Variants in LINGO2 observed in about 807,000 individuals in gnomAD.
LINGO2 encodes the protein leucine-rich repeat and immunoglobulin-like domain-containing nogo receptor-interacting protein 2.
A neutral mutation model predicts 30.6 loss-of-function variants in LINGO2; 14 were observed. That is an observed-to-expected ratio of 0.46 (90% CI 0.30 to 0.72). LINGO2 has a LOEUF of 0.72. LINGO2 is among the 30% of genes least tolerant of loss of function. The pLI is 0.07. For missense variants in LINGO2, 729 were observed against 751.7 expected (o/e 0.97, Z 0.35); for synonymous variants, 317 against 288.5 (o/e 1.10, Z -1.00).
the LINGO2 span, among the ~76,000 whole-genome samples, chr9:29,204,582 C>G: frequency 2.0e-5 from 3 of 152,124 alleles, no homozygotes; most frequent in African/African-American, 4.8e-5. Context: ...CCATATTTTC[C>G]TTCTTAAAAA....
intron 2 of LINGO2, among the ~76,000 whole-genome samples, chr9:28,465,871 G>C (rs543169221): frequency 5.3e-5 from 8 of 152,032 alleles, no homozygotes; most frequent in Non-Finnish European, 1.2e-4. Context: ...ACTCAACATC[G>C]CTGATCATCA....
chr9:28,186,227 G>C (rs1347044739), intron 4 of LINGO2, among the ~76,000 whole-genome samples: 1 of 152,082 alleles, frequency 6.6e-6, no homozygotes, highest in East Asian at 1.9e-4. Flanking sequence ...ACACAAACTG[G>C]TATTTCTTTA....
chr9:28,451,017 G>A (rs1193018584), intron 2 of LINGO2, among the ~76,000 whole-genome samples: 1 of 151,676 alleles, frequency 6.6e-6, no homozygotes, highest in Non-Finnish European at 1.5e-5. Flanking sequence ...GTTTAAATTG[G>A]TAGAGTAGTT....
At chr9:28,815,267 T>C in the LINGO2 span, among the ~76,000 whole-genome samples, 2 of 152,230 alleles carry the variant, frequency 1.3e-5, no homozygotes, top group Non-Finnish European at 2.9e-5. Flanking sequence ...TAATTGCTCA[T>C]ATATTTTCTT....
At chr9:28,352,485 C>T (rs1819944483) in intron 3 of LINGO2, among the ~76,000 whole-genome samples, 1 of 88,282 alleles carries the variant, frequency 1.1e-5, no homozygotes, top group Non-Finnish European at 2.3e-5. Context: ...CAAACCACTG[C>T]TCAAGGAAAT....
At chr9:28,191,809 T>A (rs758929338) in intron 4 of LINGO2, among the ~76,000 whole-genome samples, 2 of 152,154 alleles carry the variant, frequency 1.3e-5, no homozygotes, top group African/African-American at 4.8e-5. Context: ...TTCAGTAAAA[T>A]GACAGTAACC....
intron 4 of LINGO2, among the ~76,000 whole-genome samples, chr9:28,026,080 C>T: frequency 6.6e-6 from 1 of 152,162 alleles, no homozygotes; most frequent in East Asian, 1.9e-4. Context: ...TCCTTTGCTT[C>T]TCTACAACTG....
the LINGO2 span, among the ~76,000 whole-genome samples, chr9:28,911,318 A>G: frequency 2.6e-5 from 3 of 115,076 alleles, no homozygotes; most frequent in African/African-American, 8.0e-5. Context: ...TTCTATAAAT[A>G]AAACTCATAT....
At chr9:28,414,216 A>T (rs16912922) in intron 2 of LINGO2, among the ~76,000 whole-genome samples, 10 of 152,136 alleles carry the variant, frequency 6.6e-5, no homozygotes, top group African/African-American at 2.4e-4. Flanking sequence ...GGGAGTCAGA[A>T]GGTCCCTGAA....
intron 4 of LINGO2, among the ~76,000 whole-genome samples, chr9:28,197,862 TA>T (rs145482154): frequency 0.084 from 12,607 of 150,240 alleles, 694 homozygotes; most frequent in East Asian, 0.2. Context: ...AAATTTGCAT[TA>T]AAAAAAAAGA....
Position 28,130,320 on chromosome 9 carries a change from A to C in LINGO2, c.-86-117915T>G, listed in dbSNP as rs1827347658. On this transcript the variant is annotated intron_variant, in intron 4 of 5. Coordinates refer to ENST00000379992, the Ensembl canonical transcript of LINGO2. This position sits in a 1 kb window ranked among gnomAD's most constrained non-coding sequence, Gnocchi z 5.2. ...GGATTCAAAAAGGTTAGCCACTGAT[A>C]AGTCTTATATTCAACTCTCCCTCTA... Among the ~76,000 whole-genome samples, 1 of 152,208 alleles carries C rather than the reference A, an allele frequency of 6.6e-6. No individual in the cohort carries two copies. The highest frequency in any genetic ancestry group is 2.4e-5 in the African/African-American group (1 of 41,456).
At chr9:29,026,613 T>C in the LINGO2 span, among the ~76,000 whole-genome samples, 44 of 152,214 alleles carry the variant, frequency 2.9e-4, no homozygotes, top group African/African-American at 9.9e-4. Context: ...TGTACAGAAA[T>C]AGCGGAAGAA....
chr9:28,834,090 CTAAT>C, the LINGO2 span, among the ~76,000 whole-genome samples: 1 of 151,164 alleles, frequency 6.6e-6, no homozygotes, highest in African/African-American at 2.4e-5. Flanking sequence ...TGGTAGATGA[CTAAT>C]TAATTGATTA....
At chr9:28,402,213 A>C (rs1646410457) in intron 2 of LINGO2, among the ~76,000 whole-genome samples, 1 of 96,112 alleles carries the variant, frequency 1.0e-5, no homozygotes, top group South Asian at 3.9e-4. Context: ...AACTAAAGAA[A>C]AAACAATAAC....
At chr9:28,117,149 G>C (rs1233177002) in intron 4 of LINGO2, among the ~76,000 whole-genome samples, 2 of 149,934 alleles carry the variant, frequency 1.3e-5, no homozygotes, top group Admixed American at 1.3e-4. Flanking sequence ...CTCAGCTGCA[G>C]GTCTGTTGGA....
the LINGO2 span, among the ~76,000 whole-genome samples, chr9:28,743,255 T>A: frequency 2.6e-5 from 4 of 152,080 alleles, no homozygotes; most frequent in Admixed American, 2.6e-4. Context: ...TACATAGGTA[T>A]ACACGTGCCG....
chr9:28,577,489 C>T (rs1824047132), intron 1 of LINGO2, among the ~76,000 whole-genome samples: 1 of 152,070 alleles, frequency 6.6e-6, no homozygotes, highest in Admixed American at 6.6e-5. Flanking sequence ...ACCCACTGTC[C>T]ACAACACTAT....
At chr9:28,803,273 G>A in the LINGO2 span, among the ~76,000 whole-genome samples, 1 of 151,704 alleles carries the variant, frequency 6.6e-6, no homozygotes, top group African/African-American at 2.4e-5. Context: ...AAGTCAAAGT[G>A]CATCATAAGT....
In LINGO2 at chr9:28,352,484, G is replaced by T. The variant is rs1298006809; in HGVS notation, c.-246+20352C>A. Reference sequence around the variant, plus strand: ...TCTTCAAGGAGAACTACAAACCACTGCTCAAGGAAATAAAAGAGGATACAA... The same window carrying T: ...TCTTCAAGGAGAACTACAAACCACTTCTCAAGGAAATAAAAGAGGATACAA... On this transcript the variant is annotated intron_variant, in intron 3 of 5. Coordinates refer to ENST00000379992, the Ensembl canonical transcript of LINGO2. Among the ~76,000 whole-genome samples the T allele has an allele frequency of 2.3e-5, 2 of 87,084 alleles. 1 individual carries two copies. Among genetic ancestry groups the T allele is most frequent in the African/African-American group, 9.0e-5 (2 of 22,200 alleles). 57.1% of individuals were successfully genotyped at this position (87,084 alleles called of 152,430 possible). A position where few individuals can be genotyped will look rare whatever the true frequency, so the allele number is the denominator to read the frequency against.
Sources: allele counts gnomAD v4.1 joint callset (sites outside exome capture counted in the v4.1 genomes callset), GRCh38; gene constraint gnomAD v4.1.1; non-coding constraint Gnocchi (gnomAD v3.1); transcripts MANE v1.5; gene names NCBI Gene and HGNC (gene_info 2026-07-23, HGNC 2026-07-21).